Variants in AGMO observed in about 807,000 individuals in gnomAD.
AGMO encodes glyceryl-ether monooxygenase.
Under a neutral mutation model 60.2 loss-of-function variants are expected in AGMO, and 75 were observed. The ratio of observed to expected loss-of-function variants is 1.25; its 90% CI spans 1.03 to 1.51. The LOEUF (loss-of-function observed/expected upper bound fraction) is 1.51, where lower values mean the gene tolerates loss of function less well. AGMO is among the 40% of genes most tolerant of loss of function. The probability of loss-of-function intolerance (pLI) is 0.00; values close to 1 mark genes in which losing one functional copy is unlikely to be tolerated. For missense variants in AGMO, 763 were observed against 525.5 expected (o/e 1.45, Z -4.42); for synonymous variants, 261 against 177.1 (o/e 1.47, Z -3.76).
intron 12 of AGMO, among the ~76,000 whole-genome samples, chr7:15,276,673 T>G (rs1335330733): frequency 6.6e-6 from 1 of 152,172 alleles, no homozygotes; most frequent in South Asian, 2.1e-4. Context: ...GAAATGCTTA[T>G]AAGACATAGT....
chr7:15,339,626 G>A (rs541785461), intron 12 of AGMO, among the ~76,000 whole-genome samples: 47 of 152,236 alleles, frequency 3.1e-4, no homozygotes, highest in Non-Finnish European at 5.1e-4. Context: ...TCCCATTGAA[G>A]AAATTAAATG....
chr7:15,288,916 C>T (rs935182580), intron 12 of AGMO, among the ~76,000 whole-genome samples: 1 of 151,616 alleles, frequency 6.6e-6, no homozygotes, highest in East Asian at 1.9e-4. Flanking sequence ...TGGCAAACAT[C>T]ACACCAGTTT....
intron 12 of AGMO, among the ~76,000 whole-genome samples, chr7:15,322,275 C>T (rs1019527118): frequency 6.8e-5 from 10 of 146,606 alleles, no homozygotes; most frequent in Admixed American, 1.4e-4. Flanking sequence ...TATCATCAGA[C>T]GCCACTTAAA....
At chr7:15,516,911 G>A (rs1783822836) in intron 3 of AGMO, among the ~76,000 whole-genome samples, 1 of 151,958 alleles carries the variant, frequency 6.6e-6, no homozygotes, top group African/African-American at 2.4e-5. Context: ...TGCTTGTATA[G>A]AATAAAGAGA....
chr7:15,129,938 T>C, the AGMO span, among the ~76,000 whole-genome samples: 1 of 152,118 alleles, frequency 6.6e-6, no homozygotes, highest in South Asian at 2.1e-4. Context: ...GTATCAGCCA[T>C]GCTCGAGTAA....
At chr7:15,491,292 A>C (rs2128520908) in intron 3 of AGMO, among the ~76,000 whole-genome samples, 1 of 152,286 alleles carries the variant, frequency 6.6e-6, no homozygotes, top group East Asian at 1.9e-4. Context: ...TATGTGCAAA[A>C]CTAGGCAAAT....
chr7:15,130,528 A>C, the AGMO span, among the ~76,000 whole-genome samples: 1 of 152,118 alleles, frequency 6.6e-6, no homozygotes, highest in Middle Eastern at 3.2e-3. Context: ...GATATTTCAC[A>C]AAAAGGTTCT....
At chr7:15,310,006 TTC>T (rs1780723813) in intron 12 of AGMO, among the ~76,000 whole-genome samples, 1 of 152,178 alleles carries the variant, frequency 6.6e-6, no homozygotes, top group South Asian at 2.1e-4. Context: ...ATATATCATA[TTC>T]TGTCTGGAAG....
At chr7:15,343,035 G>C (rs535664559) in intron 12 of AGMO, among the ~76,000 whole-genome samples, 8 of 151,982 alleles carry the variant, frequency 5.3e-5, no homozygotes, top group Admixed American at 5.2e-4. Flanking sequence ...ATCTGAAAAG[G>C]TACCTAATAT....
chr7:15,513,440 A>AT (rs1783730799), intron 3 of AGMO, among the ~76,000 whole-genome samples: 1 of 152,028 alleles, frequency 6.6e-6, no homozygotes, highest in Non-Finnish European at 1.5e-5. Flanking sequence ...TCAAGACAAT[A>AT]TTTTCTTCAC....
intron 2 of AGMO, among the ~76,000 whole-genome samples, chr7:15,558,059 T>C (rs936877325): frequency 5.9e-5 from 9 of 151,856 alleles, no homozygotes; most frequent in African/African-American, 2.2e-4. Context: ...GGGTGTATTT[T>C]TTGTAAAAAT....
At chr7:15,387,355 TGACAATATGA>T in intron 9 of AGMO, 41 bp downstream of exon 9, 1 of 1,590,706 alleles carries the variant, frequency 6.3e-7, no homozygotes, top group Non-Finnish European at 8.6e-7. Flanking sequence ...GCTGTAGACC[TGACAATATGA>T]GACAATCTTC....
chr7:15,127,528 G>A, the AGMO span, among the ~76,000 whole-genome samples: 1 of 151,866 alleles, frequency 6.6e-6, no homozygotes, highest in Admixed American at 6.6e-5. Context: ...AGATACCAAG[G>A]GAAATACGTT....
intron 12 of AGMO, among the ~76,000 whole-genome samples, chr7:15,310,359 C>CA (rs548595575): frequency 2.0e-5 from 3 of 151,380 alleles, no homozygotes; most frequent in African/African-American, 7.3e-5. Context: ...GGGGCCCCTG[C>CA]AAAAAAAATT....
the AGMO span, among the ~76,000 whole-genome samples, chr7:15,180,598 TTC>T: frequency 0.034 from 5,207 of 152,198 alleles, 116 homozygotes; most frequent in East Asian, 0.067. Context: ...TACTCTGCTC[TTC>T]TGAGCCTTCA....
the AGMO span, among the ~76,000 whole-genome samples, chr7:15,188,203 T>C: frequency 3.3e-4 from 50 of 152,296 alleles, no homozygotes; most frequent in East Asian, 9.3e-3. Flanking sequence ...GAAGCCCCAG[T>C]TGCCAGGAGG....
chr7:15,283,400 G>A (rs1402732854), intron 12 of AGMO, among the ~76,000 whole-genome samples: 3 of 151,936 alleles, frequency 2.0e-5, no homozygotes, highest in Non-Finnish European at 4.4e-5. Flanking sequence ...GATATTTGAT[G>A]CAAATGGAAA....
At chr7:15,170,430 G>T in the AGMO span, among the ~76,000 whole-genome samples, 1 of 152,002 alleles carries the variant, frequency 6.6e-6, no homozygotes, top group East Asian at 1.9e-4. Context: ...CAAAAAGAAG[G>T]TATACCCACA....
At chr7:15,502,480 G>A (rs1783411840) in intron 3 of AGMO, among the ~76,000 whole-genome samples, 1 of 151,960 alleles carries the variant, frequency 6.6e-6, no homozygotes, top group Non-Finnish European at 1.5e-5. Flanking sequence ...CTCAGCATAT[G>A]GGGTCAGATC....
Sources: allele counts gnomAD v4.1 joint callset (sites outside exome capture counted in the v4.1 genomes callset), GRCh38; gene constraint gnomAD v4.1.1; transcripts MANE v1.5; gene names NCBI Gene and HGNC (gene_info 2026-07-23, HGNC 2026-07-21).